TRPM3: variants seen among roughly 807,000 people sequenced by gnomAD.
TRPM3 encodes long transient receptor potential channel 3.
In TRPM3, 77 loss-of-function variants were observed where a neutral mutation model predicts 181.2. The observed-to-expected ratio is 0.42, with a 90% CI of 0.35 to 0.51. TRPM3 has a LOEUF of 0.51. Ranked by LOEUF, TRPM3 falls within the 20% of genes least tolerant of loss-of-function variation. The pLI, the probability that TRPM3 is intolerant of heterozygous loss-of-function variation, is 0.01. For synonymous variants in TRPM3, 745 were observed against 796.4 expected (o/e 0.94, Z 1.09); for missense variants, 1,759 against 2,196.7 (o/e 0.80, Z 3.98).
At chr9:71,320,880 C>T (rs1047908176) in intron 1 of TRPM3, among the ~76,000 whole-genome samples, 18 of 152,016 alleles carry the variant, frequency 1.2e-4, no homozygotes, top group African/African-American at 4.3e-4. Flanking sequence ...TCCACAATTC[C>T]CCTATCTCAG....
Position 70,625,297 on chromosome 9 carries a change from A to G in TRPM3, c.1703T>C (p.Ile568Thr), listed in dbSNP as rs2133282910. The G allele has an allele frequency of 1.2e-6, 2 of 1,614,216 alleles. No individual in the cohort carries two copies. The highest frequency in any genetic ancestry group is 1.7e-6 in the Non-Finnish European group (2 of 1,180,044). The change falls in exon 14 of 26, where the codon ATT (isoleucine) becomes ACT (threonine). Residue 568 changes from isoleucine (I) to threonine (T), a missense_variant. Ile to Thr is a moderately conservative substitution (Grantham distance 89, BLOSUM62 -1). This residue lies in a region of TRPM3 where 737 missense variants were observed against 957.4 expected (regional missense o/e 0.77). Coordinates refer to ENST00000677713, the MANE Select transcript of TRPM3 (RefSeq NM_001366145.2). This position sits in a 1 kb window ranked among gnomAD's most constrained non-coding sequence, Gnocchi z 4.8. Reference sequence around the variant, plus strand: ...GTACTCGATCACCAGGCCGATGTCAATCAGGCTGATTCTGTAGTCTGGGGG... The same window carrying G: ...GTACTCGATCACCAGGCCGATGTCAGTCAGGCTGATTCTGTAGTCTGGGGG... ...NLPPDYRISL[I>T]DIGLVIEYLM...
chr9:71,219,402 C>G (rs1366997641), intron 1 of TRPM3, among the ~76,000 whole-genome samples: 1 of 152,168 alleles, frequency 6.6e-6, no homozygotes, highest in Non-Finnish European at 1.5e-5. Context: ...TCTGTACTTT[C>G]TAAACCTGTA....
intron 1 of TRPM3, among the ~76,000 whole-genome samples, chr9:71,227,694 G>A (rs748896542): frequency 3.3e-5 from 5 of 151,982 alleles, no homozygotes; most frequent in Non-Finnish European, 5.9e-5. Flanking sequence ...GATCATTAGA[G>A]ACTACTATGT....
chr9:71,342,409 T>C (rs2132614083), intron 1 of TRPM3, among the ~76,000 whole-genome samples: 1 of 151,444 alleles, frequency 6.6e-6, no homozygotes, highest in African/African-American at 2.4e-5. Flanking sequence ...GTAGAATAAT[T>C]ATGATATTAT....
chr9:71,427,514 G>A (rs964531309), intron 1 of TRPM3, among the ~76,000 whole-genome samples: 1 of 152,060 alleles, frequency 6.6e-6, no homozygotes, highest in African/African-American at 2.4e-5. Flanking sequence ...CAACCTAGGT[G>A]CCCATCAACA....
intron 1 of TRPM3, among the ~76,000 whole-genome samples, chr9:71,287,189 T>G (rs2085373115): frequency 1.3e-5 from 2 of 149,096 alleles, no homozygotes; most frequent in African/African-American, 4.9e-5. Flanking sequence ...TAAGATAGTA[T>G]CGGGATGCCC....
intron 6 of TRPM3, among the ~76,000 whole-genome samples, chr9:70,808,524 T>A (rs867498211): frequency 1.3e-5 from 2 of 152,216 alleles, no homozygotes; most frequent in African/African-American, 4.8e-5. Flanking sequence ...CTCAAAGTTA[T>A]TTTTTTGGCT....
intron 1 of TRPM3, among the ~76,000 whole-genome samples, chr9:71,187,966 A>T (rs1019944667): frequency 3.3e-5 from 5 of 151,858 alleles, no homozygotes; most frequent in South Asian, 2.1e-4. Flanking sequence ...CGCATTTTTT[A>T]AAAAAGTTAA....
chr9:70,623,960 G>T (rs533978666), intron 14 of TRPM3, among the ~76,000 whole-genome samples: 1 of 140,952 alleles, frequency 7.1e-6, no homozygotes, highest in Non-Finnish European at 1.6e-5. Flanking sequence ...GATGTTTTTG[G>T]AATGACCAAA....
chr9:70,618,992 C>T lies in TRPM3; in HGVS notation c.2233G>A (p.Ala745Thr), dbSNP rs775527896. The change falls in exon 17 of 26, where the codon GCC (alanine) becomes ACC (threonine). Residue 745 changes from alanine to threonine, a missense_variant. This residue lies in a region of TRPM3 where 737 missense variants were observed against 957.4 expected (regional missense o/e 0.77). Coordinates refer to ENST00000677713, the MANE Select transcript of TRPM3 (RefSeq NM_001366145.2). ...GCCACGGCAAGCTGCAGGCACGTGG[C>T]GTTGCTCCAGTTCTTCAGCTCATAC... ...LTYELKNWSNATCLQLAVAAK... is the reference protein window; with the variant it reads ...LTYELKNWSNTTCLQLAVAAK... 38 of 1,614,084 alleles carry T rather than the reference C, an allele frequency of 2.4e-5. No individual in the cohort carries two copies. The highest frequency in any genetic ancestry group is 2.3e-4 in the Admixed American group (14 of 60,008).
intron 6 of TRPM3, among the ~76,000 whole-genome samples, chr9:70,806,251 G>T (rs1345555621): frequency 6.6e-6 from 1 of 152,036 alleles, no homozygotes; most frequent in African/African-American, 2.4e-5. Context: ...TTCATGAGGA[G>T]AAGTGCTGTT....
intron 4 of TRPM3, among the ~76,000 whole-genome samples, chr9:70,846,114 A>G (rs2094941908): frequency 6.6e-6 from 1 of 152,220 alleles, no homozygotes; most frequent in Non-Finnish European, 1.5e-5. Flanking sequence ...ATCCTGTGAA[A>G]TTCCATTAGT....
intron 1 of TRPM3, among the ~76,000 whole-genome samples, chr9:71,399,291 G>T (rs755555209): frequency 3.9e-5 from 6 of 152,048 alleles, no homozygotes; most frequent in Non-Finnish European, 5.9e-5. Context: ...AATGTTCAAA[G>T]CACTAAGAAC....
chr9:70,841,917 T>C (rs1326452862), intron 5 of TRPM3, among the ~76,000 whole-genome samples: 2 of 151,718 alleles, frequency 1.3e-5, no homozygotes, highest in Non-Finnish European at 1.5e-5. Flanking sequence ...AATATGGACA[T>C]TGGACACTAC....
At chr9:70,995,634 C>T (rs1420294900) in intron 1 of TRPM3, among the ~76,000 whole-genome samples, 3 of 152,108 alleles carry the variant, frequency 2.0e-5, no homozygotes, top group African/African-American at 4.8e-5. Context: ...TTGCTTGCCT[C>T]GTCATTCGTC....
At chr9:70,959,964 C>T (rs574788702) in intron 1 of TRPM3, among the ~76,000 whole-genome samples, 8 of 152,196 alleles carry the variant, frequency 5.3e-5, no homozygotes, top group African/African-American at 1.9e-4. Flanking sequence ...GATGATAAGA[C>T]CCCCAAATGA....
At chr9:71,036,225 C>T (rs2058186154) in intron 1 of TRPM3, among the ~76,000 whole-genome samples, 1 of 152,066 alleles carries the variant, frequency 6.6e-6, no homozygotes. Context: ...ATACCTTATT[C>T]CCTCATGGAA....
intron 9 of TRPM3, among the ~76,000 whole-genome samples, chr9:70,678,301 G>C (rs540504203): frequency 6.6e-6 from 1 of 151,616 alleles, no homozygotes; most frequent in East Asian, 1.9e-4. Flanking sequence ...ACAGTCTTGC[G>C]CTGTTGCCTA....
intron 1 of TRPM3, among the ~76,000 whole-genome samples, chr9:70,894,762 G>A (rs1336606846): frequency 2.6e-5 from 4 of 152,092 alleles, no homozygotes; most frequent in Non-Finnish European, 4.4e-5. Context: ...AGTTTGCTAC[G>A]TAAAGTTTAG....
Sources: gnomAD v4.1 joint callset for allele counts (sites outside exome capture counted in the v4.1 genomes callset) on GRCh38, gnomAD v4.1.1 for gene constraint, gnomAD v4.1.1 regional missense constraint, Gnocchi (gnomAD v3.1) non-coding constraint, MANE v1.5 for transcripts, NCBI Gene and HGNC (gene_info 2026-07-23, HGNC 2026-07-21) for gene names.